OLFM3: variants seen among roughly 807,000 people sequenced by gnomAD.
OLFM3 encodes noelin-3.
Under a neutral mutation model 48.6 loss-of-function variants are expected in OLFM3, and 20 were observed. The ratio of observed to expected loss-of-function variants is 0.41; its 90% CI spans 0.29 to 0.60. OLFM3 has a LOEUF of 0.60. Among genes scored for constraint, OLFM3 ranks in the 20% least tolerant of loss-of-function variants. The pLI is 0.28. For missense variants in OLFM3, 437 were observed against 544.3 expected (o/e 0.80, Z 1.96); for synonymous variants, 222 against 198.1 (o/e 1.12, Z -1.01).
rs747875579 is a variant in OLFM3 at position 101,804,193 on chromosome 1, T to A, written c.*45A>T. ...AACGGAAGGGGTCTTATAGAGTTTA[T>A]CACAAATCACACTGTTTAAATCAAT... On this transcript the variant is annotated 3_prime_UTR_variant, in exon 6 of 6. Transcript: ENST00000370103. This position sits in a 1 kb window ranked among gnomAD's most constrained non-coding sequence, Gnocchi z 4.5. 1.2e-5 allele frequency: 17 copies of A among 1,427,172 alleles called. No homozygotes were observed. In the East Asian group the frequency reaches 4.0e-4, roughly 33 times the overall value. The allele number at this position is 1,427,172 out of a possible 1,614,324, so 88.4% of individuals were successfully genotyped here. A position where few individuals can be genotyped will look rare whatever the true frequency, so the allele number is the denominator to read the frequency against.
At chr1:101,961,757 C>A (rs986186940) in intron 1 of OLFM3, among the ~76,000 whole-genome samples, 3 of 152,016 alleles carry the variant, frequency 2.0e-5, no homozygotes, top group Non-Finnish European at 4.4e-5. Context: ...AAAGATATAA[C>A]TTATGAAGTT....
chr1:101,977,335 A>G (rs2101104111), intron 1 of OLFM3, among the ~76,000 whole-genome samples: 1 of 152,278 alleles, frequency 6.6e-6, no homozygotes, highest in South Asian at 2.1e-4. Context: ...TAGAACAAAA[A>G]GTCAAATTTA....
intron 1 of OLFM3, among the ~76,000 whole-genome samples, chr1:101,929,854 A>G (rs1237605871): frequency 6.6e-6 from 1 of 152,090 alleles, no homozygotes; most frequent in African/African-American, 2.4e-5. Context: ...AAGATTGCTT[A>G]CACATTTTAA....
chr1:101,853,246 C>G (rs561529673), intron 1 of OLFM3, among the ~76,000 whole-genome samples: 1 of 152,148 alleles, frequency 6.6e-6, no homozygotes, highest in African/African-American at 2.4e-5. Context: ...CTCAGAGATG[C>G]AAGGCAATCT....
chr1:101,969,314 ATT>A lies in OLFM3; in HGVS notation c.69+27432_69+27433del, dbSNP rs36019509. On this transcript the variant is annotated intron_variant, in intron 1 of 5. Coordinates refer to ENST00000370103, the MANE Select transcript of OLFM3 (RefSeq NM_058170.4). ...CAGGCATGCAACACCACGCCTGGCTATTTTTTTTTTTTTTTGGTATTTTTGTA... is the reference window on the plus strand; with the variant it reads ...CAGGCATGCAACACCACGCCTGGCTATTTTTTTTTTTTTGGTATTTTTGTA... Among the ~76,000 whole-genome samples, 520 of 141,394 alleles carry A rather than the reference ATT, an allele frequency of 3.7e-3. 5 individuals are homozygous for A. The highest frequency in any genetic ancestry group is 0.013 in the African/African-American group (500 of 38,202). 92.8% of individuals were successfully genotyped at this position (141,394 alleles called of 152,430 possible).
chr1:101,979,526 C>T (rs1661047633), intron 1 of OLFM3, among the ~76,000 whole-genome samples: 1 of 152,156 alleles, frequency 6.6e-6, no homozygotes, highest in Non-Finnish European at 1.5e-5. Context: ...ATCCTGCTGC[C>T]TTGTGAAAAA....
intron 1 of OLFM3, among the ~76,000 whole-genome samples, chr1:101,926,818 A>G (rs1659284785): frequency 6.6e-6 from 1 of 152,192 alleles, no homozygotes; most frequent in South Asian, 2.1e-4. Flanking sequence ...ATATGGCAGA[A>G]CATTTAAAAG....
chr1:101,928,833 T>C (rs1031580082), intron 1 of OLFM3, among the ~76,000 whole-genome samples: 7 of 152,114 alleles, frequency 4.6e-5, no homozygotes, highest in African/African-American at 1.7e-4. Flanking sequence ...TCAGAGATAT[T>C]AAATGTACTC....
At chr1:101,866,040 C>A (rs1350675663) in intron 1 of OLFM3, among the ~76,000 whole-genome samples, 2 of 152,154 alleles carry the variant, frequency 1.3e-5, no homozygotes, top group Admixed American at 1.3e-4. Flanking sequence ...CATATTTCAT[C>A]AGCTGAAGGA....
At chr1:101,911,753 T>C (rs1442490963) in intron 1 of OLFM3, among the ~76,000 whole-genome samples, 1 of 152,212 alleles carries the variant, frequency 6.6e-6, no homozygotes, top group Admixed American at 6.5e-5. Context: ...ACTAAGAAGC[T>C]ACCACCAAAC....
At chr1:101,949,990 T>C (rs563431922) in intron 1 of OLFM3, among the ~76,000 whole-genome samples, 1 of 136,666 alleles carries the variant, frequency 7.3e-6, no homozygotes, top group East Asian at 2.1e-4. Context: ...ATCGTGCCAC[T>C]GCACTCCAGC....
chr1:101,859,179 A>T (rs1656547881), intron 1 of OLFM3, among the ~76,000 whole-genome samples: 1 of 152,142 alleles, frequency 6.6e-6, no homozygotes, highest in Non-Finnish European at 1.5e-5. Flanking sequence ...GAGGTAGCAG[A>T]AACATGTAGC....
chr1:101,957,453 A>G (rs1017815825), intron 1 of OLFM3, among the ~76,000 whole-genome samples: 2 of 152,036 alleles, frequency 1.3e-5, no homozygotes, highest in African/African-American at 2.4e-5. Context: ...AAAAAGCTGG[A>G]AAGACAAAAG....
chr1:101,890,006 C>T (rs1657927213), intron 1 of OLFM3, among the ~76,000 whole-genome samples: 1 of 151,898 alleles, frequency 6.6e-6, no homozygotes, highest in Non-Finnish European at 1.5e-5. Flanking sequence ...AAAAATTCAG[C>T]CACAGGGAAC....
chr1:101,812,138 G>A (rs1282165486), intron 4 of OLFM3, among the ~76,000 whole-genome samples: 1 of 151,382 alleles, frequency 6.6e-6, no homozygotes, highest in African/African-American at 2.4e-5. Context: ...TGAACAATGA[G>A]AACACTTGGA....
chr1:101,936,302 G>T (rs1659615190), intron 1 of OLFM3, among the ~76,000 whole-genome samples: 1 of 152,108 alleles, frequency 6.6e-6, no homozygotes, highest in South Asian at 2.1e-4. Flanking sequence ...GAAATCAGTA[G>T]AATTTCTATA....
chr1:101,828,038 G>GTC (rs1654956578), intron 3 of OLFM3, among the ~76,000 whole-genome samples: 12 of 78,844 alleles, frequency 1.5e-4, no homozygotes, highest in East Asian at 1.2e-3. Flanking sequence ...CTCTCTGTCT[G>GTC]TCTGTCTGTC....
At chr1:101,851,311 A>T (rs1656213214) in intron 1 of OLFM3, among the ~76,000 whole-genome samples, 1 of 152,194 alleles carries the variant, frequency 6.6e-6, no homozygotes. Flanking sequence ...AGATAGAAGC[A>T]CCAATGTGAA....
At chr1:101,938,852 A>C (rs1659703248) in intron 1 of OLFM3, among the ~76,000 whole-genome samples, 1 of 152,200 alleles carries the variant, frequency 6.6e-6, no homozygotes, top group Non-Finnish European at 1.5e-5. Flanking sequence ...TCCCATGCTG[A>C]GAATCAACAT....
Sources: allele counts gnomAD v4.1 joint callset (sites outside exome capture counted in the v4.1 genomes callset), GRCh38; gene constraint gnomAD v4.1.1; non-coding constraint Gnocchi (gnomAD v3.1); transcripts MANE v1.5; gene names NCBI Gene and HGNC (gene_info 2026-07-23, HGNC 2026-07-21).